MTRR: variants seen among roughly 807,000 people sequenced by gnomAD.
The protein encoded by MTRR is 5-methyltetrahydrofolate-homocysteine methyltransferase reductase, also known as methionine synthase reductase.
In MTRR, 63 loss-of-function variants were observed where a neutral mutation model predicts 79.2. That is an observed-to-expected ratio of 0.80 (90% CI 0.65 to 0.98). The LOEUF is 0.98. Among genes scored for constraint, MTRR ranks in the 50% least tolerant of loss-of-function variants. The probability of loss-of-function intolerance (pLI) is 0.00; values close to 1 mark genes in which losing one functional copy is unlikely to be tolerated. For missense variants in MTRR, 895 were observed against 839.6 expected (o/e 1.07, Z -0.82); for synonymous variants, 355 against 313.3 (o/e 1.13, Z -1.41).
intron 4 of MTRR, among the ~76,000 whole-genome samples, chr5:7,876,949 T>C (rs1456931773): frequency 6.6e-6 from 1 of 152,220 alleles, no homozygotes; most frequent in Non-Finnish European, 1.5e-5. Context: ...GCTGTTATTG[T>C]TGAACTGTAG....
intron 8 of MTRR, among the ~76,000 whole-genome samples, chr5:7,887,473 G>C (rs895570433): frequency 6.6e-6 from 1 of 150,912 alleles, no homozygotes; most frequent in Admixed American, 6.6e-5. Flanking sequence ...TTATTAATGT[G>C]TTTATTGCAT....
At chr5:7,858,517 A>G (rs1746323808) in intron 1 of MTRR, among the ~76,000 whole-genome samples, 1 of 152,206 alleles carries the variant, frequency 6.6e-6, no homozygotes, top group South Asian at 2.1e-4. Flanking sequence ...TAGCTCATCT[A>G]GTTTCCATTT....
upstream of MTRR, chr5:7,867,853 A>T: frequency 6.2e-7 from 1 of 1,614,218 alleles, no homozygotes; most frequent in Non-Finnish European, 8.5e-7. Flanking sequence ...ACACTGGTCC[A>T]CCGAGTGGAT....
chr5:7,869,141 C>T (rs760233681), upstream of MTRR: 5 of 1,613,432 alleles, frequency 3.1e-6, no homozygotes, highest in South Asian at 1.1e-5. Flanking sequence ...AGCATGGGCG[C>T]TGCGTCAGTG....
chr5:7,869,266 C>T (rs1239288377), intron 1 of MTRR, 51 bp downstream of exon 1: 11 of 1,594,098 alleles, frequency 6.9e-6, no homozygotes, highest in African/African-American at 2.7e-5. Context: ...TCGCCCTGCA[C>T]TAATCTCCTG....
chr5:7,882,867 G>C (rs753822267), intron 5 of MTRR, among the ~76,000 whole-genome samples: 1 of 152,030 alleles, frequency 6.6e-6, no homozygotes, highest in African/African-American at 2.4e-5. Flanking sequence ...TTCCCTTGAC[G>C]TAGTTTATTA....
In MTRR at chr5:7,897,224, G is replaced by C; in HGVS notation, c.1929G>C (p.Glu643Asp). The C allele has an allele frequency of 6.2e-7, 1 of 1,614,098 alleles. No individual in the cohort carries two copies. Among genetic ancestry groups the C allele is most frequent in the Non-Finnish European group, 8.5e-7 (1 of 1,180,008 alleles). The change falls in exon 14 of 15, where the codon GAG becomes GAC. Residue 643 changes from glutamate to aspartate, a missense_variant. Coordinates refer to ENST00000440940, the MANE Select transcript of MTRR (RefSeq NM_002454.3). ...AGGTGGCGAGAATCCTCCTCCAGGA[G>C]AACGGCCATATTTATGTGTGTGGGT... is the stretch of plus-strand genomic sequence containing the variant. ...GQQVARILLQ[E>D]NGHIYVCGDA...
At chr5:7,882,564 G>A (rs1735753458) in intron 5 of MTRR, among the ~76,000 whole-genome samples, 1 of 152,206 alleles carries the variant, frequency 6.6e-6, no homozygotes, top group Admixed American at 6.5e-5. Context: ...GGAGTAGGGA[G>A]TATTATAAAG....
In MTRR at chr5:7,883,282, G is replaced by A; in HGVS notation, c.903+5G>A. On this transcript the variant is annotated splice_donor_5th_base_variant and intron_variant, in intron 6 of 14. Coordinates refer to ENST00000440940, the MANE Select transcript of MTRR (RefSeq NM_002454.3). ...CTGGTAGAATTGGACATTTCAGTAA[G>A]TTGCAAAATTTATTTCTCAGCACAG... is the stretch of plus-strand genomic sequence containing the variant. 6.2e-7 allele frequency: 1 copy of A among 1,614,170 alleles called. No individual in the cohort carries two copies. Among genetic ancestry groups the A allele is most frequent in the Non-Finnish European group, 8.5e-7 (1 of 1,180,024 alleles).
At position 7,869,225 on chromosome 5, in the gene MTRR, C is replaced by CT; in HGVS notation, c.-26+11dup. The CT allele has an allele frequency of 6.2e-7, 1 of 1,604,394 alleles. No homozygotes were observed. The highest frequency in any genetic ancestry group is 1.3e-5 in the African/African-American group (1 of 75,028). The stretch of plus-strand genomic sequence containing the variant: ...GGCTGGCGCGGCGTGGGTAAGCTGC[C>CT]TGTCGGCTACGGTTCCCGGATTCCG... On this transcript the variant is annotated intron_variant, in intron 1 of 14. Coordinates refer to ENST00000440940, the MANE Select transcript of MTRR (RefSeq NM_002454.3).
intron 6 of MTRR, 29 bp from the exon 7 acceptor site, chr5:7,885,672 T>TG (rs774747334): frequency 5.0e-6 from 8 of 1,602,832 alleles, no homozygotes; most frequent in Non-Finnish European, 6.8e-6. Context: ...ATAATGTATT[T>TG]TTTTTTTTTC....
chr5:7,851,059 C>G (rs1304782655), upstream of MTRR: 2 of 1,235,878 alleles, frequency 1.6e-6, no homozygotes, highest in Non-Finnish European at 2.0e-6. Flanking sequence ...GGCCGCGGTC[C>G]GTCCCGCCCG....
At chr5:7,895,706 AC>A in intron 11 of MTRR, 27 bp from the exon 12 acceptor site, 2 of 1,613,556 alleles carry the variant, frequency 1.2e-6, no homozygotes, top group Non-Finnish European at 1.7e-6. Context: ...TTTCTTTCAT[AC>A]TTACCACATT....
chr5:7,874,588 C>CTTT (rs5865743), intron 3 of MTRR, among the ~76,000 whole-genome samples: 22,367 of 107,824 alleles, frequency 0.21, 2,630 homozygotes, highest in Non-Finnish European at 0.27. Flanking sequence ...GGGATTTAAG[C>CTTT]TTTTTTTTTT....
upstream of MTRR, chr5:7,850,964 G>A: frequency 7.5e-7 from 1 of 1,324,688 alleles, no homozygotes; most frequent in Non-Finnish European, 9.6e-7. Context: ...GAGACGGGCG[G>A]CGGCCTGGGC....
upstream of MTRR, chr5:7,867,979 C>T: frequency 6.2e-7 from 1 of 1,614,102 alleles, no homozygotes. Context: ...CCTTGACTAC[C>T]TTGTGAACAT....
At chr5:7,889,723 A>G (rs1737228352) in intron 9 of MTRR, among the ~76,000 whole-genome samples, 2 of 152,222 alleles carry the variant, frequency 1.3e-5, no homozygotes, top group Non-Finnish European at 2.9e-5. Flanking sequence ...AGGCTGATGC[A>G]GTCTGTGCTG....
At chr5:7,872,312 C>T in intron 2 of MTRR, 1 of 418,870 alleles carries the variant, frequency 2.4e-6, no homozygotes, top group South Asian at 1.7e-5. Context: ...ACAAGTAAGA[C>T]AAGGAAGTGT....
chr5:7,866,569 C>T (rs1187119036), upstream of MTRR: 2 of 1,083,616 alleles, frequency 1.8e-6, no homozygotes, highest in East Asian at 2.4e-5. Context: ...CAACATATTG[C>T]CTTTATATGT....
Sources: gnomAD v4.1 joint callset for allele counts (sites outside exome capture counted in the v4.1 genomes callset) on GRCh38, gnomAD v4.1.1 for gene constraint, MANE v1.5 for transcripts, NCBI Gene and HGNC (gene_info 2026-07-23, HGNC 2026-07-21) for gene names.